Variants in IL18RAP observed in about 807,000 individuals in gnomAD.
IL18RAP encodes interleukin-18 receptor accessory protein.
Under a neutral mutation model 58.1 loss-of-function variants are expected in IL18RAP, and 37 were observed. The ratio of observed to expected loss-of-function variants is 0.64; its 90% CI spans 0.49 to 0.84. The LOEUF (loss-of-function observed/expected upper bound fraction) is 0.84. Ranked by LOEUF, IL18RAP falls within the 40% of genes least tolerant of loss-of-function variation. IL18RAP has a pLI of 0.00. For missense variants in IL18RAP, 667 were observed against 704.8 expected (o/e 0.95, Z 0.61); for synonymous variants, 268 against 257.5 (o/e 1.04, Z -0.39).
At chr2:102,432,616 G>A (rs1448000324) in intron 3 of IL18RAP, among the ~76,000 whole-genome samples, 5 of 152,132 alleles carry the variant, frequency 3.3e-5, no homozygotes, top group Non-Finnish European at 1.5e-5. Flanking sequence ...CCTGGGCCAG[G>A]GATAGCCTTA....
At chr2:102,448,883 C>T (rs1020364527) in intron 8 of IL18RAP, among the ~76,000 whole-genome samples, 1 of 150,652 alleles carries the variant, frequency 6.6e-6, no homozygotes, top group African/African-American at 2.5e-5. Context: ...ATCACCTGAG[C>T]CCCGGAGGTC....
chr2:102,423,674 C>T (rs1423182653), intron 1 of IL18RAP, 137 bp from the exon 2 acceptor site: 2 of 710,938 alleles, frequency 2.8e-6, no homozygotes, highest in Non-Finnish European at 4.7e-6. Flanking sequence ...CTTCCTTTCC[C>T]CTACAAAATA....
chr2:102,450,177 G>A (rs1287202807), intron 8 of IL18RAP, among the ~76,000 whole-genome samples: 2 of 218 alleles, frequency 9.2e-3, no homozygotes, highest in East Asian at 0.12. Context: ...CTTAGTCTCA[G>A]TAATCATATG....
intron 3 of IL18RAP, among the ~76,000 whole-genome samples, chr2:102,431,966 T>A (rs768548878): frequency 1.1e-4 from 16 of 152,218 alleles, no homozygotes; most frequent in Non-Finnish European, 1.9e-4. Flanking sequence ...TCTTAGTTTC[T>A]TTTGATGGTG....
At chr2:102,447,037 C>A in intron 7 of IL18RAP, 33 bp from the exon 8 acceptor site, 1 of 1,609,380 alleles carries the variant, frequency 6.2e-7, no homozygotes, top group Non-Finnish European at 8.5e-7. Flanking sequence ...CCCGCTGCCT[C>A]TATGTCTCTT....
At chr2:102,435,841 T>C (rs1236178417) in intron 3 of IL18RAP, among the ~76,000 whole-genome samples, 1 of 124,342 alleles carries the variant, frequency 8.0e-6, no homozygotes. Context: ...TGCAGTGTCT[T>C]CATTTTTTTT....
intron 4 of IL18RAP, chr2:102,440,245 T>C (rs1292860148): frequency 6.6e-6 from 1 of 152,294 alleles, no homozygotes; most frequent in Admixed American, 6.6e-5. Context: ...GAAGTGAATA[T>C]AGCGGTTGAA....
In IL18RAP at chr2:102,423,314, G is replaced by T. The variant is rs771738642; in HGVS notation, c.37G>T (p.Ala13Ser). ...CLGWIFLWLV[A>S]GERIKGFNIS... ...GGGCTGGATATTTCTTTGGCTTGTT[G>T]CAGGAGAGCGAATTAAAGGATTTAA... The change falls in exon 1 of 10, where the codon GCA (alanine) becomes TCA (serine). Residue 13 changes from alanine to serine, a missense_variant. Transcript: ENST00000687160. 8.7e-6 allele frequency: 14 copies of T among 1,613,978 alleles called. No homozygotes were observed. In the African/African-American group the frequency reaches 1.5e-4, roughly 17 times the overall value.
intron 3 of IL18RAP, among the ~76,000 whole-genome samples, chr2:102,435,740 A>G (rs547753557): frequency 2.0e-5 from 3 of 152,294 alleles, no homozygotes; most frequent in Admixed American, 1.3e-4. Context: ...TAAGAAATCG[A>G]TAATACTGCA....
chr2:102,441,570 G>C (rs1033419983), intron 5 of IL18RAP, among the ~76,000 whole-genome samples, 193 bp downstream of exon 5: 1 of 152,170 alleles, frequency 6.6e-6, no homozygotes, highest in Admixed American at 6.5e-5. Flanking sequence ...TCCGCAAATA[G>C]CTATCATAAA....
intron 3 of IL18RAP, among the ~76,000 whole-genome samples, chr2:102,433,704 C>G (rs1453077149): frequency 2.0e-5 from 3 of 152,122 alleles, no homozygotes; most frequent in Admixed American, 6.6e-5. Flanking sequence ...CGCCACCACA[C>G]CCAGCTAATT....
chr2:102,443,469 C>G, intron 6 of IL18RAP, 146 bp downstream of exon 6: 1 of 837,368 alleles, frequency 1.2e-6, no homozygotes, highest in Non-Finnish European at 1.8e-6. Flanking sequence ...AAAGTGCAAA[C>G]GGCCGTTGAA....
chr2:102,427,500 G>C (rs1378527148), intron 3 of IL18RAP, among the ~76,000 whole-genome samples: 1 of 151,936 alleles, frequency 6.6e-6, no homozygotes, highest in Non-Finnish European at 1.5e-5. Context: ...ATAGTTGTTG[G>C]CCATTTGCAT....
chr2:102,423,016 G>T (rs1681671670), upstream of IL18RAP: 4 of 507,412 alleles, frequency 7.9e-6, no homozygotes, highest in Non-Finnish European at 1.4e-5. Flanking sequence ...TGTAAGAAAT[G>T]ACACAAGTGA....
intron 6 of IL18RAP, 115 bp downstream of exon 6, chr2:102,443,438 A>G (rs894495563): frequency 4.0e-6 from 5 of 1,234,982 alleles, no homozygotes; most frequent in Admixed American, 2.6e-5. Context: ...ACTAGTGGTG[A>G]AAATAAAAGC....
At chr2:102,439,508 A>G (rs1430561197) in intron 4 of IL18RAP, 1 of 152,402 alleles carries the variant, frequency 6.6e-6, no homozygotes, top group Non-Finnish European at 1.5e-5. Flanking sequence ...GAGAGCAGGC[A>G]CAGTCGTGGA....
intron 3 of IL18RAP, among the ~76,000 whole-genome samples, chr2:102,428,242 C>T (rs538882023): frequency 2.0e-4 from 31 of 151,612 alleles, no homozygotes; most frequent in African/African-American, 3.4e-4. Context: ...TAAAAAACAA[C>T]GACATTTTGA....
chr2:102,448,317 C>T (rs778104263), intron 8 of IL18RAP, among the ~76,000 whole-genome samples: 4 of 152,128 alleles, frequency 2.6e-5, no homozygotes, highest in Non-Finnish European at 5.9e-5. Context: ...GCTTTTAAGA[C>T]GGTGGGAATG....
At chr2:102,445,162 G>A (rs374325674) in intron 6 of IL18RAP, 27 bp from the exon 7 acceptor site, 196 of 1,606,070 alleles carry the variant, frequency 1.2e-4, no homozygotes, top group Non-Finnish European at 1.6e-4. Context: ...GTTACTGAAT[G>A]GAGTGGTATT....
Sources: allele counts gnomAD v4.1 joint callset (sites outside exome capture counted in the v4.1 genomes callset), GRCh38; gene constraint gnomAD v4.1.1; transcripts MANE v1.5; gene names NCBI Gene and HGNC (gene_info 2026-07-23, HGNC 2026-07-21).